Variants in FARP2 observed in about 807,000 individuals in gnomAD.
The protein encoded by FARP2 is FERM, ARH/RhoGEF and pleckstrin domain protein 2.
FARP2 carries 111 observed loss-of-function variants against 130.5 expected under a neutral mutation model. That is an observed-to-expected ratio of 0.85 (90% confidence interval 0.73 to 1.00). FARP2 has a LOEUF of 1.00. Among genes scored for constraint, FARP2 ranks in the 50% least tolerant of loss-of-function variants. The pLI, the probability that FARP2 is intolerant of heterozygous loss-of-function variation, is 0.00. For synonymous variants in FARP2, 504 were observed against 516.9 expected, an observed-to-expected ratio of 0.98 and a Z score of 0.34; for missense variants, 1,385 against 1,346.3, an observed-to-expected ratio of 1.03 and a Z score of -0.45.
intron 21 of FARP2, chr2:241,489,406 TTC>T (rs2064838850): frequency 6.6e-6 from 1 of 152,408 alleles, no homozygotes; most frequent in South Asian, 2.1e-4. Flanking sequence ...ATTTCCCTTT[TTC>T]TCTTTGACTT....
chr2:241,362,413 C>G (rs1035091769), intron 1 of FARP2, among the ~76,000 whole-genome samples: 2 of 151,880 alleles, frequency 1.3e-5, no homozygotes, highest in African/African-American at 4.8e-5. Flanking sequence ...GTCATCCTGG[C>G]TAACATGGTG....
rs1313377434 is a variant in FARP2, at chr2:241,386,976, T to C, written c.183+13686T>C. 2.6e-5 allele frequency among the ~76,000 whole-genome samples: 4 copies of C among 152,362 alleles called. No individual in the cohort carries two copies. The East Asian group carries it at 7.7e-4, about 29-fold the overall frequency. On this transcript the variant is annotated intron_variant, in intron 2 of 26. Transcript: ENST00000264042. Reference sequence around the variant, plus strand: ...AAGGTCCCCTTGCTTTTTTGTTTGTTTGGAATATACTTGGGATACCCATGT... The same window carrying C: ...AAGGTCCCCTTGCTTTTTTGTTTGTCTGGAATATACTTGGGATACCCATGT...
At position 241,468,375 on chromosome 2, in the gene FARP2, A is replaced by G. The variant is rs754367363; in HGVS notation, c.2129A>G (p.His710Arg). The G allele has an allele frequency of 7.5e-6, 12 of 1,609,266 alleles. No individual in the cohort carries two copies. In the South Asian group the frequency reaches 1.1e-4, roughly 15 times the overall value. ...GGGCACCATGACTACGCTGACTGCC[A>G]TGGTGAGTGTGGGTGCGGCCCTGCA... ...SPGHHDYADC[H>R]DALKAITEVT... Residue 710 changes from histidine to arginine, a missense_variant and splice_region_variant, in exon 18 of 27, where the codon CAT (histidine) becomes CGT (arginine). By Grantham distance (29) the His-to-Arg change is conservative. Transcript: ENST00000264042.
At chr2:241,415,915 T>A (rs1372250055) in intron 7 of FARP2, among the ~76,000 whole-genome samples, 1 of 151,842 alleles carries the variant, frequency 6.6e-6, no homozygotes, top group Non-Finnish European at 1.5e-5. Context: ...GAGGAGGCAG[T>A]GACAACATCT....
intron 17 of FARP2, among the ~76,000 whole-genome samples, chr2:241,465,282 C>T (rs1279999702): frequency 6.6e-6 from 1 of 152,192 alleles, no homozygotes; most frequent in African/African-American, 2.4e-5. Flanking sequence ...CAGGGCCTCC[C>T]TCAGATCAGG....
At chr2:241,413,994 G>C (rs944627164) in intron 7 of FARP2, among the ~76,000 whole-genome samples, 4 of 151,840 alleles carry the variant, frequency 2.6e-5, no homozygotes, top group African/African-American at 9.7e-5. Context: ...GGAGGAGGAT[G>C]CTACTGAGCA....
At chr2:241,453,342 G>T (rs965643873) in intron 13 of FARP2, among the ~76,000 whole-genome samples, 1 of 150,712 alleles carries the variant, frequency 6.6e-6, no homozygotes, top group Non-Finnish European at 1.5e-5. Context: ...TGTATTTGTG[G>T]CTGGGCGCGG....
intron 19 of FARP2, among the ~76,000 whole-genome samples, chr2:241,479,484 A>G (rs2064560364): frequency 6.6e-6 from 1 of 152,196 alleles, no homozygotes; most frequent in Admixed American, 6.5e-5. Flanking sequence ...AGAGCTCCTG[A>G]CAAAGGTGGC....
chr2:241,490,438 T>G (rs2064863173), intron 22 of FARP2, among the ~76,000 whole-genome samples: 1 of 144,904 alleles, frequency 6.9e-6, no homozygotes, highest in Non-Finnish European at 1.5e-5. Flanking sequence ...ACAGGGCAGC[T>G]TACACCCAGC....
intron 17 of FARP2, among the ~76,000 whole-genome samples, chr2:241,464,479 TCAGAA>T (rs1186744746): frequency 9.1e-5 from 13 of 142,648 alleles, no homozygotes. Flanking sequence ...AAGGATTTTC[TCAGAA>T]CAGAGTCCAT....
intron 12 of FARP2, among the ~76,000 whole-genome samples, chr2:241,437,828 C>G (rs1171627005): frequency 1.3e-5 from 2 of 151,988 alleles, no homozygotes; most frequent in African/African-American, 4.8e-5. Context: ...CCACGCCTGG[C>G]TAATTTGTTT....
intron 2 of FARP2, among the ~76,000 whole-genome samples, chr2:241,388,121 C>G (rs1332565749): frequency 6.6e-6 from 1 of 152,022 alleles, no homozygotes; most frequent in Admixed American, 6.5e-5. Flanking sequence ...CTAAAATAGC[C>G]AAAAACAATC....
At chr2:241,366,102 A>ATATAT (rs1388297069) in intron 1 of FARP2, among the ~76,000 whole-genome samples, 2,480 of 33,238 alleles carry the variant, frequency 0.075, 63 homozygotes, top group Non-Finnish European at 0.14. Context: ...TAAAAAAAAA[A>ATATAT]AAATATATAT....
intron 2 of FARP2, among the ~76,000 whole-genome samples, chr2:241,392,558 T>C (rs1178388883): frequency 6.6e-6 from 1 of 152,202 alleles, no homozygotes; most frequent in African/African-American, 2.4e-5. Flanking sequence ...AGAGATGATT[T>C]ATCTGCCAGT....
At chr2:241,484,078 CA>C in intron 20 of FARP2, 163 bp from the exon 21 acceptor site, 1 of 1,413,402 alleles carries the variant, frequency 7.1e-7, no homozygotes, top group Non-Finnish European at 9.3e-7. Flanking sequence ...TGCCTCTGGT[CA>C]AAAACGACCA....
Position 241,407,566 on chromosome 2 carries a change from G to A in FARP2, c.361G>A (p.Val121Ile), listed in dbSNP as rs201646916. Residue 121 changes from valine to isoleucine, a missense_variant, in exon 5 of 27, where the codon GTA becomes ATA. Physicochemically the swap from Val to Ile is conservative, Grantham distance 29. Coordinates refer to ENST00000264042, the MANE Select transcript of FARP2 (RefSeq NM_014808.4). ...AAAGAATGTGGTGCTTCGCCTAGCT[G>A]TAAAATTTTTTCCACCTGATCCTGG... ...RPKNVVLRLA[V>I]KFFPPDPGQL... 3 of 1,614,126 alleles carry A rather than the reference G, an allele frequency of 1.9e-6. No homozygotes were observed. The East Asian group carries it at 6.7e-5, about 36-fold the overall frequency.
intron 13 of FARP2, chr2:241,444,847 A>ATGT: frequency 6.6e-6 from 1 of 152,164 alleles, no homozygotes; most frequent in East Asian, 1.9e-4. Flanking sequence ...GCATCACCTC[A>ATGT]AATTCAGTGT....
At chr2:241,449,077 A>G (rs1156281436) in intron 13 of FARP2, among the ~76,000 whole-genome samples, 2 of 152,228 alleles carry the variant, frequency 1.3e-5, no homozygotes, top group African/African-American at 2.4e-5. Flanking sequence ...TCCAGTAGAG[A>G]AGCCAGAAAT....
chr2:241,449,899 C>T (rs1303671603), intron 13 of FARP2, among the ~76,000 whole-genome samples: 1 of 151,546 alleles, frequency 6.6e-6, no homozygotes, highest in Non-Finnish European at 1.5e-5. Context: ...CCCAGCTATT[C>T]AGGAGGCTGA....
Sources: allele counts gnomAD v4.1 joint callset (sites outside exome capture counted in the v4.1 genomes callset), GRCh38; gene constraint gnomAD v4.1.1; transcripts MANE v1.5; gene names NCBI Gene and HGNC (gene_info 2026-07-23, HGNC 2026-07-21).